NRF1: variants seen among roughly 807,000 people sequenced by gnomAD.
The protein encoded by NRF1 is nuclear respiratory factor 1, also known as alpha palindromic-binding protein.
A neutral mutation model predicts 58.5 loss-of-function variants in NRF1; 5 were observed. The observed-to-expected ratio is 0.09, with a 90% confidence interval of 0.04 to 0.18. The LOEUF is 0.18. Among genes scored for constraint, NRF1 ranks in the 10% least tolerant of loss-of-function variants. NRF1 has a pLI of 1.00. For synonymous variants in NRF1, 224 were observed against 246.7 expected, an observed-to-expected ratio of 0.91 and a Z score of 0.86; for missense variants, 288 against 657.7, an observed-to-expected ratio of 0.44 and a Z score of 6.15.
intron 3 of NRF1, among the ~76,000 whole-genome samples, chr7:129,672,058 T>C (rs1358252273): frequency 6.6e-6 from 1 of 152,068 alleles, no homozygotes; most frequent in African/African-American, 2.4e-5. Flanking sequence ...CACATGTTGA[T>C]GCTGGGGGGA....
intron 9 of NRF1, among the ~76,000 whole-genome samples, chr7:129,722,116 T>G (rs1319456395): frequency 2.0e-5 from 3 of 152,094 alleles, no homozygotes; most frequent in African/African-American, 7.2e-5. Flanking sequence ...TTTTCTAGGC[T>G]GGGCGTGGTG....
At chr7:129,664,294 G>GT (rs1325581318) in intron 2 of NRF1, among the ~76,000 whole-genome samples, 5 of 152,156 alleles carry the variant, frequency 3.3e-5, no homozygotes, top group Non-Finnish European at 7.3e-5. Context: ...TAGCACCATG[G>GT]TGAAAAGACT....
chr7:129,700,354 A>G (rs1802791993), intron 5 of NRF1, among the ~76,000 whole-genome samples: 2 of 152,274 alleles, frequency 1.3e-5, no homozygotes, highest in African/African-American at 2.4e-5. Context: ...AGGGAACTTA[A>G]AATCCTAGTG....
chr7:129,671,589 C>T (rs1252087753), intron 3 of NRF1, 46 bp downstream of exon 3: 2 of 1,023,282 alleles, frequency 2.0e-6, no homozygotes, highest in Admixed American at 1.7e-5. Flanking sequence ...CAAATACTTC[C>T]TGTGGATGAC....
chr7:129,636,411 T>C (rs1399906045), intron 1 of NRF1, among the ~76,000 whole-genome samples: 1 of 152,098 alleles, frequency 6.6e-6, no homozygotes, highest in African/African-American at 2.4e-5. Context: ...TTTTTGTATT[T>C]TTAGTAGAGA....
chr7:129,633,984 T>A (rs1400360058), intron 1 of NRF1, among the ~76,000 whole-genome samples: 1 of 149,166 alleles, frequency 6.7e-6, no homozygotes, highest in African/African-American at 2.5e-5. Flanking sequence ...TACCCCACTT[T>A]GACCGTGATT....
At chr7:129,665,490 A>G (rs575137770) in intron 2 of NRF1, among the ~76,000 whole-genome samples, 1 of 152,224 alleles carries the variant, frequency 6.6e-6, no homozygotes, top group Non-Finnish European at 1.5e-5. Flanking sequence ...ACAGCCCCTG[A>G]TTATTGTTGA....
intron 3 of NRF1, among the ~76,000 whole-genome samples, chr7:129,673,916 G>A (rs534810585): frequency 6.6e-6 from 1 of 152,136 alleles, no homozygotes; most frequent in Non-Finnish European, 1.5e-5. Context: ...GAGGTGGGCG[G>A]ATCACCTGAG....
chr7:129,628,996 T>C (rs758809009), intron 1 of NRF1, among the ~76,000 whole-genome samples: 1 of 152,234 alleles, frequency 6.6e-6, no homozygotes, highest in Non-Finnish European at 1.5e-5. Flanking sequence ...GAAAAGGCTT[T>C]TAAGTAATGG....
chr7:129,702,518 ATC>A (rs3993407), intron 5 of NRF1, among the ~76,000 whole-genome samples: 71,225 of 151,904 alleles, frequency 0.47, 17,169 homozygotes, highest in Non-Finnish European at 0.54. Context: ...CACCATAGTC[ATC>A]TCTCTGAACA....
chr7:129,619,902 C>A (rs10225103), intron 1 of NRF1, among the ~76,000 whole-genome samples: 2 of 151,462 alleles, frequency 1.3e-5, no homozygotes, highest in Non-Finnish European at 2.9e-5. Flanking sequence ...TTTTCTGGTT[C>A]TGGGGTTTAT....
chr7:129,667,049 C>T (rs1801939264), intron 2 of NRF1, among the ~76,000 whole-genome samples: 2 of 152,184 alleles, frequency 1.3e-5, no homozygotes, highest in Non-Finnish European at 2.9e-5. Context: ...AAAATACACT[C>T]ATGAGTCACT....
chr7:129,626,298 A>G (rs1252528724), intron 1 of NRF1, among the ~76,000 whole-genome samples: 1 of 152,204 alleles, frequency 6.6e-6, no homozygotes, highest in Non-Finnish European at 1.5e-5. Flanking sequence ...CCTAGAACCC[A>G]GCATGAGAGT....
intron 10 of NRF1, among the ~76,000 whole-genome samples, chr7:129,731,611 C>CTTGTTTGT (rs71167211): frequency 0.12 from 17,759 of 149,762 alleles, 1,276 homozygotes; most frequent in East Asian, 0.35. Context: ...CCTTCCTTTA[C>CTTGTTTGT]TTGTTTGTTT....
chr7:129,657,194 T>G, intron 1 of NRF1, 152 bp from the exon 2 acceptor site: 1 of 608,780 alleles, frequency 1.6e-6, no homozygotes. Flanking sequence ...GCATGGTGCT[T>G]CCCATTTCCT....
intron 8 of NRF1, among the ~76,000 whole-genome samples, chr7:129,716,246 G>A (rs541193910): frequency 6.6e-6 from 1 of 152,196 alleles, no homozygotes; most frequent in East Asian, 1.9e-4. Context: ...AGCAGGAATA[G>A]CTCTACAAAG....
At chr7:129,706,759 G>A (rs1182808152) in intron 5 of NRF1, among the ~76,000 whole-genome samples, 3 of 152,138 alleles carry the variant, frequency 2.0e-5, no homozygotes, top group Admixed American at 6.5e-5. Flanking sequence ...AGGTGCCAAC[G>A]TGACCCAGAA....
intron 6 of NRF1, among the ~76,000 whole-genome samples, chr7:129,709,715 T>C (rs1275687619): frequency 2.0e-5 from 3 of 148,954 alleles, no homozygotes; most frequent in Non-Finnish European, 4.5e-5. Context: ...TTTTTCTTTT[T>C]CTTTCTTTTC....
intron 1 of NRF1, among the ~76,000 whole-genome samples, chr7:129,643,318 A>C (rs1227360715): frequency 1.3e-5 from 2 of 152,242 alleles, no homozygotes; most frequent in Non-Finnish European, 2.9e-5. Context: ...GCAGCCAGGC[A>C]ACAATGCTGT....
Sources: allele counts gnomAD v4.1 joint callset (sites outside exome capture counted in the v4.1 genomes callset), GRCh38; gene constraint gnomAD v4.1.1; transcripts MANE v1.5; gene names NCBI Gene and HGNC (gene_info 2026-07-23, HGNC 2026-07-21).